FBP1: variants seen among roughly 807,000 people sequenced by gnomAD.
FBP1 encodes fructose-bisphosphatase 1, also known as fructose-1,6-bisphosphatase 1.
A neutral mutation model predicts 29.9 loss-of-function variants in FBP1; 22 were observed. That is an observed-to-expected ratio of 0.74 (90% CI 0.53 to 1.05). The LOEUF (loss-of-function observed/expected upper bound fraction) is 1.05. Among genes scored for constraint, FBP1 ranks in the 50% least tolerant of loss-of-function variants. The pLI is 0.00. For missense variants in FBP1, 345 were observed against 448.2 expected, an observed-to-expected ratio of 0.77 and a Z score of 2.08; for synonymous variants, 175 against 178.6, an observed-to-expected ratio of 0.98 and a Z score of 0.16.
intron 2 of FBP1, among the ~76,000 whole-genome samples, chr9:94,619,742 C>T (rs936515303): frequency 4.6e-5 from 7 of 151,700 alleles, no homozygotes; most frequent in Non-Finnish European, 8.8e-5. Flanking sequence ...GGTGTGGTGG[C>T]GGGAACCTGT....
At position 94,639,320 on chromosome 9, in the gene FBP1, G is replaced by A. The variant is rs199970657; in HGVS notation, c.-10C>T. ...GCGCCTGGTCAGCCATGCTTGAACC[G>A]GGTAGAGCGCGGGGCTGCAGGTGCA... On this transcript the variant is annotated 5_prime_UTR_variant, in exon 1 of 7. Coordinates refer to ENST00000375326, the MANE Select transcript of FBP1 (RefSeq NM_000507.4). 27 of 1,604,566 alleles carry A rather than the reference G, an allele frequency of 1.7e-5. No homozygotes were observed. The African/African-American group carries it at 2.8e-4, about 17-fold the overall frequency.
At chr9:94,620,779 G>A (rs1326408830) in intron 1 of FBP1, among the ~76,000 whole-genome samples, 2 of 152,186 alleles carry the variant, frequency 1.3e-5, no homozygotes. Context: ...TGGGGACTAG[G>A]GGAGGGAGAG....
At chr9:94,619,416 G>T (rs929327244) in intron 2 of FBP1, among the ~76,000 whole-genome samples, 6 of 151,462 alleles carry the variant, frequency 4.0e-5, no homozygotes, top group Non-Finnish European at 7.4e-5. Context: ...AATCTCAGAA[G>T]TTTTTTTTTC....
At chr9:94,610,866 CTT>C (rs5899227) in intron 3 of FBP1, among the ~76,000 whole-genome samples, 26 of 143,878 alleles carry the variant, frequency 1.8e-4, no homozygotes, top group African/African-American at 2.0e-4. Context: ...TGATTTTCTT[CTT>C]TTTTTTTTTT....
Position 94,609,977 on chromosome 9 carries a change from C to A in FBP1, c.511G>T (p.Ala171Ser). 6.2e-7 allele frequency: 1 copy of A among 1,614,234 alleles called. No individual in the cohort carries two copies. Among genetic ancestry groups the A allele is most frequent in the Non-Finnish European group, 8.5e-7 (1 of 1,180,024 alleles). Residue 171 changes from alanine (A) to serine (S), a missense_variant, in exon 4 of 7, where the codon GCC (alanine) becomes TCC (serine). Coordinates refer to ENST00000375326, the MANE Select transcript of FBP1 (RefSeq NM_000507.4). ...VAAGYALYGS[A>S]TMLVLAMDCG... ...TCCATGGCAAGGACCAGCATGGTGG[C>A]ACTGCCATACAGTGCGTAGCCGGCT...
intron 1 of FBP1, among the ~76,000 whole-genome samples, chr9:94,624,286 C>A (rs1052962145): frequency 6.8e-6 from 1 of 146,792 alleles, no homozygotes; most frequent in Non-Finnish European, 1.5e-5. Flanking sequence ...TGCAGTGAGC[C>A]GAGATTGCGT....
chr9:94,620,363 T>C lies in FBP1; in HGVS notation c.299A>G (p.Asp100Gly). 1 of 1,614,246 alleles carries C rather than the reference T, an allele frequency of 6.2e-7. No homozygotes were observed. The highest frequency in any genetic ancestry group is 1.1e-5 in the South Asian group (1 of 91,084). Residue 100 changes from aspartate to glycine, a missense_variant, in exon 2 of 7, where the codon GAT becomes GGT. Asp to Gly is a moderately conservative substitution (Grantham distance 94). Coordinates refer to ENST00000375326, the MANE Select transcript of FBP1 (RefSeq NM_000507.4). ...CGGTTCCACTATGATGGCGTGTTTA[T>C]CTTCTTCTGACACGAGAACACACGT... Reference protein sequence around the residue: ...FATCVLVSEEDKHAIIVEPEK... With the variant: ...FATCVLVSEEGKHAIIVEPEK...
At chr9:94,607,640 G>A (rs922941704) in intron 4 of FBP1, among the ~76,000 whole-genome samples, 1 of 152,168 alleles carries the variant, frequency 6.6e-6, no homozygotes, top group African/African-American at 2.4e-5. Flanking sequence ...GAATTTGGGG[G>A]AAAAGTGTTG....
chr9:94,622,130 G>A (rs1827958406), intron 1 of FBP1, among the ~76,000 whole-genome samples: 2 of 152,198 alleles, frequency 1.3e-5, no homozygotes, highest in African/African-American at 4.8e-5. Flanking sequence ...CTATTTTTAA[G>A]CAACCTGCAA....
intron 1 of FBP1, among the ~76,000 whole-genome samples, chr9:94,625,210 A>G (rs1828004771): frequency 6.6e-6 from 1 of 152,000 alleles, no homozygotes; most frequent in African/African-American, 2.4e-5. Context: ...TTAGCAAATC[A>G]TGACCACCAG....
In FBP1 at chr9:94,610,180, C is replaced by T. The variant is rs140905419; in HGVS notation, c.427-119G>A. 190 of 994,372 alleles carry T rather than the reference C, an allele frequency of 1.9e-4. No individual in the cohort carries two copies. In the African/African-American group the frequency reaches 2.6e-3, roughly 14 times the overall value. The allele number at this position is 994,372 out of a possible 1,614,324, so 61.6% of individuals were successfully genotyped here. On this transcript the variant is annotated intron_variant, in intron 3 of 6. Coordinates refer to ENST00000375326, the MANE Select transcript of FBP1 (RefSeq NM_000507.4). ...CTTCTAATGAAATAGGGCATCTTCC[C>T]AGAGGGGCCTTCCCCTACACATCAG...
intron 1 of FBP1, among the ~76,000 whole-genome samples, chr9:94,632,695 C>T (rs1398444602): frequency 6.6e-6 from 1 of 152,078 alleles, no homozygotes; most frequent in African/African-American, 2.4e-5. Context: ...ATATAGCCTT[C>T]AGGAAAACAA....
intron 6 of FBP1, 49 bp from the exon 7 acceptor site, chr9:94,603,621 G>A (rs377153207): frequency 3.8e-5 from 59 of 1,540,692 alleles, no homozygotes; most frequent in South Asian, 1.8e-4. Context: ...AAGGTATTGC[G>A]TAAAAAAGAG....
chr9:94,610,337 G>C (rs1253147561), intron 3 of FBP1, among the ~76,000 whole-genome samples: 1 of 152,116 alleles, frequency 6.6e-6, no homozygotes, highest in Non-Finnish European at 1.5e-5. Context: ...TCCACTATCA[G>C]TTCCAAAAAA....
intron 3 of FBP1, among the ~76,000 whole-genome samples, chr9:94,613,800 G>T (rs373094375): frequency 3.4e-5 from 5 of 148,404 alleles, no homozygotes; most frequent in African/African-American, 1.2e-4. Flanking sequence ...AAAAAAGGCC[G>T]GACGCAGTGG....
At position 94,620,508 on chromosome 9, in the gene FBP1, C is replaced by A. The variant is rs1047999462; in HGVS notation, c.171-17G>T. 5.0e-6 allele frequency: 8 copies of A among 1,613,184 alleles called. No individual in the cohort carries two copies. The African/African-American group carries it at 9.4e-5, about 19-fold the overall frequency. ...ATGCCATAGCTACAGGGAACAAAAG[C>A]CACAAAAAATAAGCCATGACCACCA... On this transcript the variant is annotated splice_polypyrimidine_tract_variant and intron_variant, in intron 1 of 6. Transcript: ENST00000375326.
intron 1 of FBP1, among the ~76,000 whole-genome samples, chr9:94,634,056 G>A (rs1203193599): frequency 1.3e-5 from 2 of 150,844 alleles, no homozygotes; most frequent in African/African-American, 4.9e-5. Context: ...GACTTTGGGA[G>A]GCCGGGGCGG....
At chr9:94,621,764 G>A (rs978231231) in intron 1 of FBP1, among the ~76,000 whole-genome samples, 3 of 152,106 alleles carry the variant, frequency 2.0e-5, no homozygotes, top group African/African-American at 4.8e-5. Flanking sequence ...CCAAACACAC[G>A]GGTTAAACGA....
chr9:94,631,841 G>A (rs1162413312), intron 1 of FBP1, among the ~76,000 whole-genome samples: 3 of 152,224 alleles, frequency 2.0e-5, no homozygotes, highest in Non-Finnish European at 1.5e-5. Context: ...GCCCAGCCAG[G>A]AACATCCAAA....
Sources: gnomAD v4.1 joint callset for allele counts (sites outside exome capture counted in the v4.1 genomes callset) on GRCh38, gnomAD v4.1.1 for gene constraint, MANE v1.5 for transcripts, NCBI Gene and HGNC (gene_info 2026-07-23, HGNC 2026-07-21) for gene names.